SCML4: variants seen among roughly 807,000 people sequenced by gnomAD.
The protein encoded by SCML4 is sex comb on midleg-like protein 4.
A neutral mutation model predicts 41.1 loss-of-function variants in SCML4; 34 were observed. That is an observed-to-expected ratio of 0.83 (90% CI 0.63 to 1.10). The LOEUF (loss-of-function observed/expected upper bound fraction) is 1.10. Among genes scored for constraint, SCML4 ranks in the 50% least tolerant of loss-of-function variants. The pLI, the probability that SCML4 is intolerant of heterozygous loss-of-function variation, is 0.00. For missense variants in SCML4, 522 were observed against 534.1 expected (o/e 0.98, Z 0.22); for synonymous variants, 214 against 220.9 (o/e 0.97, Z 0.28).
chr6:107,800,338 G>C (rs1249074163), intron 1 of SCML4, among the ~76,000 whole-genome samples: 1 of 151,822 alleles, frequency 6.6e-6, no homozygotes, highest in Non-Finnish European at 1.5e-5. Flanking sequence ...CTCTATCTAG[G>C]GGCTATTCAA....
At chr6:107,749,047 T>A (rs1358531127) in intron 3 of SCML4, among the ~76,000 whole-genome samples, 7 of 151,756 alleles carry the variant, frequency 4.6e-5, no homozygotes, top group African/African-American at 1.5e-4. Flanking sequence ...CTAAAAGCAA[T>A]GGGAGGGACT....
chr6:107,835,571 C>T, the SCML4 span, among the ~76,000 whole-genome samples: 1 of 151,664 alleles, frequency 6.6e-6, no homozygotes, highest in African/African-American at 2.4e-5. Flanking sequence ...GAGACCTTGT[C>T]TCTACTAAAA....
chr6:107,773,589 C>CAAAAAAAAAAAA (rs5878938), intron 1 of SCML4, among the ~76,000 whole-genome samples: 5 of 76,978 alleles, frequency 6.5e-5, no homozygotes, highest in African/African-American at 1.9e-4. Context: ...AAGACTGTCT[C>CAAAAAAAAAAAA]AAAAAAAAAA....
chr6:107,740,274 G>T, intron 5 of SCML4: 2 of 411,132 alleles, frequency 4.9e-6, no homozygotes. Context: ...TGTAAAAAGA[G>T]ATGGTGGAAA....
chr6:107,830,043 C>T, the SCML4 span, among the ~76,000 whole-genome samples: 1 of 152,144 alleles, frequency 6.6e-6, no homozygotes, highest in East Asian at 1.9e-4. Context: ...TTCTGGAGCC[C>T]ATGTGGGGTG....
intron 6 of SCML4, chr6:107,719,956 T>C (rs1279315856): frequency 8.1e-6 from 8 of 985,360 alleles, no homozygotes; most frequent in South Asian, 9.4e-5. Flanking sequence ...GCTATTACTA[T>C]AATCCTTTAG....
At chr6:107,767,803 A>G (rs1607399) in intron 2 of SCML4, among the ~76,000 whole-genome samples, 124,741 of 152,082 alleles carry the variant, frequency 0.82, 51,630 homozygotes, top group East Asian at 0.94. Context: ...TGCTGGCCTG[A>G]GGAATGCAAA....
At chr6:107,750,495 T>C (rs957611932) in intron 2 of SCML4, among the ~76,000 whole-genome samples, 4 of 152,208 alleles carry the variant, frequency 2.6e-5, no homozygotes, top group African/African-American at 9.7e-5. Context: ...ACTCTTTATA[T>C]CAAGACTAGT....
chr6:107,812,874 G>GACATAT (rs1379288877), intron 1 of SCML4, among the ~76,000 whole-genome samples: 3 of 62,072 alleles, frequency 4.8e-5, no homozygotes, highest in Non-Finnish European at 1.2e-4. Context: ...TTTACACACA[G>GACATAT]ACACATACAC....
At chr6:107,819,281 G>C (rs1464399289) in intron 1 of SCML4, among the ~76,000 whole-genome samples, 1 of 152,186 alleles carries the variant, frequency 6.6e-6, no homozygotes, top group African/African-American at 2.4e-5. Context: ...CATGTCTTTA[G>C]GATTACTTTC....
intron 2 of SCML4, among the ~76,000 whole-genome samples, chr6:107,768,807 C>T (rs1487275945): frequency 6.6e-6 from 1 of 152,162 alleles, no homozygotes; most frequent in Non-Finnish European, 1.5e-5. Context: ...AACTACTTTT[C>T]AAAACCCAGA....
chr6:107,818,366 C>T (rs17068819), intron 1 of SCML4, among the ~76,000 whole-genome samples: 12,981 of 152,154 alleles, frequency 0.085, 585 homozygotes, highest in East Asian at 0.13. Context: ...AGATTCCTCA[C>T]GACTGAAAAA....
In SCML4 at chr6:107,780,744, AC is replaced by A. The variant is rs1162222244; in HGVS notation, c.-59-8359del. Among the ~76,000 whole-genome samples, 4 of 150,372 alleles carry A rather than the reference AC, an allele frequency of 2.7e-5. No individual in the cohort carries two copies. In the East Asian group the frequency reaches 5.8e-4, roughly 22 times the overall value. Reference sequence around the variant, plus strand: ...TAATAATAAAACTTAAAAAAAAAAAACCAGGACTCGTCAGAGATGACTGATT... The same window carrying A: ...TAATAATAAAACTTAAAAAAAAAAAACAGGACTCGTCAGAGATGACTGATT... On this transcript the variant is annotated intron_variant, in intron 1 of 7. Coordinates refer to ENST00000369020, the MANE Select transcript of SCML4 (RefSeq NM_198081.5).
In SCML4 at chr6:107,810,499, G is replaced by A. The variant is rs150985755; in HGVS notation, c.-60+13627C>T. Among the ~76,000 whole-genome samples, 489 of 152,260 alleles carry A rather than the reference G, an allele frequency of 3.2e-3. 2 individuals are homozygous for A. The highest frequency in any genetic ancestry group is 0.011 in the African/African-American group (469 of 41,532). On this transcript the variant is annotated intron_variant, in intron 1 of 7. Transcript: ENST00000369020. ...GGAGATTCCAGTTCTTCTTTAAAAG[G>A]GATCTGGAGACATCAGATCATCTCC...
chr6:107,764,826 G>A (rs997615114), intron 2 of SCML4, among the ~76,000 whole-genome samples: 5 of 152,082 alleles, frequency 3.3e-5, no homozygotes, highest in South Asian at 2.1e-4. Context: ...TGTTCTTGTG[G>A]TAGTGAATAA....
chr6:107,702,336 C>T lies in SCML4; in HGVS notation c.*2864G>A, dbSNP rs1472287860. ...TTTTCTCCAAGACTTGAAATGAGAA[C>T]ATATCTCTCGCCTGAAAACTACTCA... On this transcript the variant is annotated 3_prime_UTR_variant, in exon 8 of 8. Transcript: ENST00000369020. Among the ~76,000 whole-genome samples the T allele has an allele frequency of 3.3e-5, 5 of 152,188 alleles. No individual in the cohort carries two copies. The East Asian group carries it at 7.7e-4, about 23-fold the overall frequency.
chr6:107,778,244 T>C (rs866654754), intron 1 of SCML4, among the ~76,000 whole-genome samples: 2 of 72,374 alleles, frequency 2.8e-5, no homozygotes, highest in African/African-American at 1.4e-4. Flanking sequence ...TATATATATA[T>C]ATATATATAT....
At chr6:107,739,661 C>T (rs1469266489) in intron 5 of SCML4, among the ~76,000 whole-genome samples, 2 of 152,170 alleles carry the variant, frequency 1.3e-5, no homozygotes, top group Middle Eastern at 3.2e-3. Flanking sequence ...AAAAAAACCT[C>T]CACCCTTCCC....
chr6:107,812,580 C>A (rs1023251348), intron 1 of SCML4, among the ~76,000 whole-genome samples: 1 of 152,202 alleles, frequency 6.6e-6, no homozygotes, highest in Non-Finnish European at 1.5e-5. Flanking sequence ...GCAACCCACA[C>A]GTGGGGGGAC....
Sources: allele counts gnomAD v4.1 joint callset (sites outside exome capture counted in the v4.1 genomes callset), GRCh38; gene constraint gnomAD v4.1.1; transcripts MANE v1.5; gene names NCBI Gene and HGNC (gene_info 2026-07-23, HGNC 2026-07-21).